ZNF507: variants seen among roughly 807,000 people sequenced by gnomAD.
ZNF507 encodes the protein zinc finger protein 507.
A neutral mutation model predicts 80.0 loss-of-function variants in ZNF507; 29 were observed. The observed-to-expected ratio is 0.36, with a 90% CI of 0.27 to 0.49. The LOEUF (loss-of-function observed/expected upper bound fraction) is 0.49. ZNF507 is among the 20% of genes least tolerant of loss of function. ZNF507 has a pLI of 0.98. For synonymous variants in ZNF507, 462 were observed against 422.5 expected (o/e 1.09, Z -1.15); for missense variants, 1,081 against 1,152.2 (o/e 0.94, Z 0.90).
At chr19:32,351,540 G>T (rs1967168806) in intron 2 of ZNF507, among the ~76,000 whole-genome samples, 1 of 126,438 alleles carries the variant, frequency 7.9e-6, no homozygotes, top group Non-Finnish European at 1.7e-5. Context: ...GGGCGGGCGG[G>T]GCCTGGCAGG....
chr19:32,369,718 A>G (rs1056003306), intron 5 of ZNF507, among the ~76,000 whole-genome samples: 3 of 152,138 alleles, frequency 2.0e-5, no homozygotes, highest in African/African-American at 7.2e-5. Flanking sequence ...AATGGTTACT[A>G]TAGTGAAGCA....
intron 2 of ZNF507, among the ~76,000 whole-genome samples, chr19:32,349,614 C>T (rs574977168): frequency 7.2e-5 from 11 of 152,316 alleles, no homozygotes; most frequent in East Asian, 1.9e-4. Flanking sequence ...CTTTGCCTTG[C>T]GCCTTGCACA....
intron 5 of ZNF507, among the ~76,000 whole-genome samples, chr19:32,376,701 A>AAAAGACAGCTGG (rs1967551563): frequency 6.6e-6 from 1 of 152,338 alleles, no homozygotes; most frequent in South Asian, 2.1e-4. Context: ...GAGATAAAAG[A>AAAAGACAGCTGG]AAAGACAGCT....
Position 32,356,699 on chromosome 19 carries a change from C to T in ZNF507, c.2211C>T (p.Ser737=), listed in dbSNP as rs1332378128. Residue 737 remains serine, a synonymous_variant, in exon 4 of 7, where the codon TCC becomes TCT. Coordinates refer to ENST00000355898, the MANE Select transcript of ZNF507 (RefSeq NM_001136156.2). ...SIATSNEPRI[S]SDTADGKCVQ... ...CAACTTCTAATGAGCCAAGAATTTC[C>T]AGTGATACAGCTGATGGAAAATGTG... The T allele has an allele frequency of 1.1e-5, 17 of 1,613,932 alleles. No individual in the cohort carries two copies. The highest frequency in any genetic ancestry group is 1.4e-5 in the Non-Finnish European group (17 of 1,179,960).
chr19:32,356,387 T>C (rs989109468), intron 3 of ZNF507, among the ~76,000 whole-genome samples: 1 of 152,238 alleles, frequency 6.6e-6, no homozygotes, highest in African/African-American at 2.4e-5. Context: ...GGTGACTTCC[T>C]TTCAGAGAAT....
chr19:32,357,143 T>C (rs1397610903), intron 4 of ZNF507: 1 of 156,848 alleles, frequency 6.4e-6, no homozygotes, highest in South Asian at 1.9e-4. Flanking sequence ...GGCTCCCCGC[T>C]GTGATCTTAT....
At chr19:32,380,723 A>G (rs936255339) in intron 5 of ZNF507, 54 of 1,100,412 alleles carry the variant, frequency 4.9e-5, no homozygotes, top group South Asian at 2.5e-4. Flanking sequence ...CAGTTTTACA[A>G]TACGACCCAG....
intron 5 of ZNF507, among the ~76,000 whole-genome samples, chr19:32,369,498 G>C (rs929376239): frequency 6.6e-6 from 1 of 152,000 alleles, no homozygotes; most frequent in Admixed American, 6.6e-5. Context: ...GACTTTTTTT[G>C]GCCAATGGAT....
chr19:32,349,517 GTTACTTT>G (rs1300022443), intron 2 of ZNF507, among the ~76,000 whole-genome samples: 1 of 152,224 alleles, frequency 6.6e-6, no homozygotes, highest in African/African-American at 2.4e-5. Flanking sequence ...TTTAAATGCT[GTTACTTT>G]TTAACTTCCA....
rs778751810 is a variant in ZNF507 at position 32,354,485 on chromosome 19, A to G, written c.1655A>G (p.Asp552Gly). 1.9e-6 allele frequency: 3 copies of G among 1,614,058 alleles called. No homozygotes were observed. The highest frequency in any genetic ancestry group is 1.1e-5 in the South Asian group (1 of 91,090). ...KMMSPLKNSS[D>G]GLTSLNQSNS... is the part of the protein sequence containing the mutation. ...ATGTCGCCACTTAAAAACTCTTCAG[A>G]TGGATTAACTAGTCTTAACCAAAGC... Residue 552 changes from aspartate (D) to glycine (G), a missense_variant, in exon 3 of 7, where the codon GAT becomes GGT. Transcript: ENST00000355898.
intron 1 of ZNF507, among the ~76,000 whole-genome samples, chr19:32,346,001 A>G (rs934645112): frequency 2.6e-5 from 4 of 151,778 alleles, no homozygotes; most frequent in African/African-American, 9.7e-5. Flanking sequence ...GGGTGGGGGG[A>G]ACTTGCTGCT....
rs555448404 is a variant in ZNF507, at chr19:32,382,731, C to G, written c.2510C>G (p.Ser837Cys). 8 of 1,612,338 alleles carry G rather than the reference C, an allele frequency of 5.0e-6. No individual in the cohort carries two copies. The highest frequency in any genetic ancestry group is 1.7e-4 in the Middle Eastern group (1 of 6,038). The change falls in exon 7 of 7, where the codon TCC becomes TGC. Residue 837 changes from serine (S) to cysteine (C), a missense_variant. Physicochemically the swap from Ser to Cys is moderately radical, Grantham distance 112 (BLOSUM62 -1). This residue lies in a region of ZNF507 where 138 missense variants were observed against 158.4 expected (regional missense o/e 0.87). Transcript: ENST00000355898. The stretch of plus-strand genomic sequence containing the variant: ...TTGTTTTTAAGAGTTCTGGGGAAAT[C>G]CCCTGGAAAGACTCAATTAAAGAGC... ...ISQSGRVLGK[S>C]PGKTQLKSSE...
intron 5 of ZNF507, among the ~76,000 whole-genome samples, chr19:32,361,800 CTTCCTTCG>C (rs1967331124): frequency 1.5e-5 from 2 of 134,562 alleles, no homozygotes; most frequent in African/African-American, 5.8e-5. Context: ...CCTTCCTTTC[CTTCCTTCG>C]TTTCCTTCCT....
At chr19:32,375,019 G>A (rs1967527916) in intron 5 of ZNF507, among the ~76,000 whole-genome samples, 1 of 151,976 alleles carries the variant, frequency 6.6e-6, no homozygotes, top group South Asian at 2.1e-4. Flanking sequence ...ATGTATATTG[G>A]GTTAGGTGCT....
intron 4 of ZNF507, chr19:32,356,968 G>A (rs1176344667): frequency 9.8e-6 from 4 of 406,830 alleles, no homozygotes; most frequent in Non-Finnish European, 1.8e-5. Flanking sequence ...ATCTTCAGTT[G>A]AAACTTAAGA....
intron 5 of ZNF507, among the ~76,000 whole-genome samples, chr19:32,372,493 T>A (rs1967487078): frequency 6.6e-6 from 1 of 152,128 alleles, no homozygotes; most frequent in Non-Finnish European, 1.5e-5. Flanking sequence ...AAGGCGTTTT[T>A]TTCAGCTGTC....
intron 2 of ZNF507, among the ~76,000 whole-genome samples, chr19:32,347,603 TTGTGTC>T (rs1435724144): frequency 6.6e-6 from 1 of 152,048 alleles, no homozygotes; most frequent in Non-Finnish European, 1.5e-5. Flanking sequence ...AGTTACCACT[TTGTGTC>T]TGTGAGTCTC....
chr19:32,347,744 C>T (rs759643682), intron 2 of ZNF507, among the ~76,000 whole-genome samples: 3 of 152,110 alleles, frequency 2.0e-5, no homozygotes, highest in Non-Finnish European at 2.9e-5. Context: ...TTTTGTAGTC[C>T]CCAGCATTCT....
At chr19:32,363,320 T>C (rs1967354775) in intron 5 of ZNF507, among the ~76,000 whole-genome samples, 1 of 152,250 alleles carries the variant, frequency 6.6e-6, no homozygotes, top group South Asian at 2.1e-4. Context: ...GCACAACTTC[T>C]AAACTTTGCA....
Sources: gnomAD v4.1 joint callset for allele counts (sites outside exome capture counted in the v4.1 genomes callset) on GRCh38, gnomAD v4.1.1 for gene constraint, gnomAD v4.1.1 regional missense constraint, MANE v1.5 for transcripts, NCBI Gene and HGNC (gene_info 2026-07-23, HGNC 2026-07-21) for gene names.